The following NXPH1 variants were observed in gnomAD, a reference collection of about 807,000 sequenced individuals.
The protein encoded by NXPH1 is neurexophilin 1.
In NXPH1, 5 loss-of-function variants were observed where a neutral mutation model predicts 23.7. The observed-to-expected ratio is 0.21, with a 90% CI of 0.11 to 0.44. NXPH1 has a LOEUF of 0.44. Ranked by LOEUF, NXPH1 falls within the 20% of genes least tolerant of loss-of-function variation. The pLI, the probability that NXPH1 is intolerant of heterozygous loss-of-function variation, is 0.99. For synonymous variants in NXPH1, 144 were observed against 122.2 expected (o/e 1.18, Z -1.18); for missense variants, 324 against 321.6 (o/e 1.01, Z -0.06).
intron 2 of NXPH1, among the ~76,000 whole-genome samples, chr7:8,714,496 C>T (rs1779846665): frequency 6.6e-6 from 1 of 151,480 alleles, no homozygotes; most frequent in South Asian, 2.1e-4. Context: ...CTCTACTTTT[C>T]TCAAGCAGAA....
chr7:8,614,141 C>T (rs575811030), intron 2 of NXPH1, among the ~76,000 whole-genome samples: 5 of 151,740 alleles, frequency 3.3e-5, no homozygotes, highest in East Asian at 1.9e-4. Flanking sequence ...ATAGTATTTC[C>T]GTGGATGTGC....
chr7:8,666,376 G>A (rs1409854738), intron 2 of NXPH1, among the ~76,000 whole-genome samples: 2 of 151,952 alleles, frequency 1.3e-5, no homozygotes, highest in Non-Finnish European at 2.9e-5. Flanking sequence ...ACATCCCTGA[G>A]ATAAACACCA....
chr7:8,488,894 C>T (rs1349965462), intron 2 of NXPH1, among the ~76,000 whole-genome samples: 1 of 152,172 alleles, frequency 6.6e-6, no homozygotes, highest in Non-Finnish European at 1.5e-5. Context: ...GGTTTTGTAA[C>T]TGTCAACTTC....
At chr7:8,498,140 T>C (rs1364436265) in intron 2 of NXPH1, among the ~76,000 whole-genome samples, 3 of 151,546 alleles carry the variant, frequency 2.0e-5, no homozygotes, top group African/African-American at 7.3e-5. Context: ...TGAAGCATTG[T>C]ACACACGCAA....
chr7:8,444,197 A>G (rs1025701652), intron 2 of NXPH1, among the ~76,000 whole-genome samples: 4 of 152,226 alleles, frequency 2.6e-5, no homozygotes, highest in African/African-American at 9.7e-5. Context: ...TTCTCGCTGT[A>G]TTAAAGGAGC....
intron 2 of NXPH1, among the ~76,000 whole-genome samples, chr7:8,441,999 T>A (rs934210293): frequency 6.6e-6 from 1 of 152,100 alleles, no homozygotes; most frequent in Non-Finnish European, 1.5e-5. Context: ...TCCTTAGGCG[T>A]CTAGTCAGGG....
intron 2 of NXPH1, among the ~76,000 whole-genome samples, chr7:8,533,446 A>G (rs971915512): frequency 3.9e-5 from 6 of 152,140 alleles, no homozygotes; most frequent in African/African-American, 1.4e-4. Flanking sequence ...CCTCCCCTAT[A>G]AAGATCAACA....
At chr7:8,646,847 G>C (rs887455013) in intron 2 of NXPH1, among the ~76,000 whole-genome samples, 4 of 135,916 alleles carry the variant, frequency 2.9e-5, no homozygotes, top group Non-Finnish European at 6.3e-5. Context: ...GCCTCTGAAG[G>C]CATCAGGTTT....
intron 2 of NXPH1, among the ~76,000 whole-genome samples, chr7:8,593,466 A>G (rs972576926): frequency 6.6e-6 from 1 of 152,050 alleles, no homozygotes; most frequent in Non-Finnish European, 1.5e-5. Flanking sequence ...CTTGTAAAAC[A>G]AAAAAGTTGA....
chr7:8,655,248 G>C (rs867626625), intron 2 of NXPH1, among the ~76,000 whole-genome samples: 1 of 151,992 alleles, frequency 6.6e-6, no homozygotes, highest in Non-Finnish European at 1.5e-5. Context: ...AGCTGGCCGT[G>C]GTGGCATGTG....
intron 2 of NXPH1, among the ~76,000 whole-genome samples, chr7:8,643,644 A>G (rs932547077): frequency 3.3e-5 from 5 of 152,164 alleles, no homozygotes; most frequent in South Asian, 2.1e-4. Flanking sequence ...ATATAATACG[A>G]ACAAGATTTC....
At chr7:8,732,204 G>A (rs944105643) in intron 2 of NXPH1, among the ~76,000 whole-genome samples, 25 of 152,214 alleles carry the variant, frequency 1.6e-4, no homozygotes, top group African/African-American at 3.4e-4. Context: ...TTCGGCTCGT[G>A]CATGGTGCGC....
chr7:8,526,649 T>C (rs1204551643), intron 2 of NXPH1, among the ~76,000 whole-genome samples: 1 of 152,198 alleles, frequency 6.6e-6, no homozygotes, highest in African/African-American at 2.4e-5. Flanking sequence ...CTCATGATAG[T>C]GAATAAGTCT....
intron 2 of NXPH1, among the ~76,000 whole-genome samples, chr7:8,518,294 G>A (rs913027423): frequency 2.6e-5 from 4 of 152,034 alleles, no homozygotes; most frequent in African/African-American, 9.7e-5. Flanking sequence ...TGTAATATTT[G>A]TTGAAACATG....
intron 2 of NXPH1, among the ~76,000 whole-genome samples, chr7:8,496,765 T>C (rs546222651): frequency 1.1e-3 from 171 of 152,236 alleles, no homozygotes; most frequent in Non-Finnish European, 2.1e-3. Context: ...TCTCAATGTC[T>C]CACAAGAGAA....
intron 2 of NXPH1, among the ~76,000 whole-genome samples, chr7:8,604,723 G>A (rs557196759): frequency 3.9e-5 from 6 of 152,056 alleles, no homozygotes; most frequent in Non-Finnish European, 7.4e-5. Flanking sequence ...TTATAGGCAG[G>A]TTCCAATATG....
rs183888760 is a variant in NXPH1 at position 8,591,928 on chromosome 7, C to G, written c.54+156161C>G. On this transcript the variant is annotated intron_variant, in intron 2 of 2. Coordinates refer to ENST00000405863, the MANE Select transcript of NXPH1 (RefSeq NM_152745.3). ...TTGTCTGTTGTCCTTTAATGGTGACCTTCAGGGTTACAGGCATTCATTCAA... is the reference window on the plus strand; with the variant it reads ...TTGTCTGTTGTCCTTTAATGGTGACGTTCAGGGTTACAGGCATTCATTCAA... Among the ~76,000 whole-genome samples, 16 of 151,178 alleles carry G rather than the reference C, an allele frequency of 1.1e-4. No homozygotes were observed. In the East Asian group the frequency reaches 3.1e-3, roughly 29 times the overall value.
intron 2 of NXPH1, among the ~76,000 whole-genome samples, chr7:8,710,748 C>T (rs572804882): frequency 7.3e-6 from 1 of 136,914 alleles, no homozygotes; most frequent in African/African-American, 3.1e-5. Context: ...CTGCAAGCTC[C>T]GCTTCCCGGG....
chr7:8,594,772 A>G (rs10267439), intron 2 of NXPH1, among the ~76,000 whole-genome samples: 2 of 151,894 alleles, frequency 1.3e-5, no homozygotes, highest in Non-Finnish European at 1.5e-5. Context: ...CTTAATAGAA[A>G]CCTGGTGTCC....
Sources: allele counts gnomAD v4.1 joint callset (sites outside exome capture counted in the v4.1 genomes callset), GRCh38; gene constraint gnomAD v4.1.1; transcripts MANE v1.5; gene names NCBI Gene and HGNC (gene_info 2026-07-23, HGNC 2026-07-21).